The following CPLX1 variants were observed in gnomAD, a reference collection of about 807,000 sequenced individuals.
CPLX1 encodes the protein complexin-1.
CPLX1 carries 6 observed loss-of-function variants against 15.6 expected under a neutral mutation model. The ratio of observed to expected loss-of-function variants is 0.39; its 90% CI spans 0.21 to 0.76. The LOEUF (loss-of-function observed/expected upper bound fraction) is 0.76. Among genes scored for constraint, CPLX1 ranks in the 30% least tolerant of loss-of-function variants. The pLI is 0.43. For synonymous variants in CPLX1, 91 were observed against 75.2 expected (o/e 1.21, Z -1.08); for missense variants, 242 against 188.6 (o/e 1.28, Z -1.66).
At chr4:811,975 C>T (rs1338797114) in intron 2 of CPLX1, among the ~76,000 whole-genome samples, 1 of 152,198 alleles carries the variant, frequency 6.6e-6, no homozygotes, top group African/African-American at 2.4e-5. Context: ...GGCAATATTT[C>T]TTGCACTGAA....
chr4:788,981 G>A (rs1746086162), intron 3 of CPLX1, among the ~76,000 whole-genome samples: 1 of 152,232 alleles, frequency 6.6e-6, no homozygotes, highest in Non-Finnish European at 1.5e-5. Flanking sequence ...CAAACGGTGT[G>A]GGATCCTTCC....
At chr4:817,264 A>T (rs1213630479) in intron 2 of CPLX1, among the ~76,000 whole-genome samples, 1 of 151,574 alleles carries the variant, frequency 6.6e-6, no homozygotes, top group African/African-American at 2.4e-5. Flanking sequence ...AAAAAAAAAA[A>T]AAATTCAGGC....
chr4:818,550 C>T (rs973526701), intron 2 of CPLX1, among the ~76,000 whole-genome samples: 7 of 152,286 alleles, frequency 4.6e-5, no homozygotes, highest in African/African-American at 9.6e-5. Context: ...TGGGATGAGA[C>T]GCTGACCTGA....
chr4:786,936 G>A, intron 3 of CPLX1: 1 of 980,722 alleles, frequency 1.0e-6, no homozygotes, highest in African/African-American at 1.7e-5. Context: ...GCAGGGAGGG[G>A]GAGGCTCCCA....
intron 2 of CPLX1, among the ~76,000 whole-genome samples, chr4:808,984 T>G (rs1212499690): frequency 6.6e-6 from 1 of 152,242 alleles, no homozygotes. Context: ...GGTGGAGAGA[T>G]AGCGATAGAG....
chr4:795,673 C>T (rs1411198186), intron 2 of CPLX1, among the ~76,000 whole-genome samples: 1 of 152,154 alleles, frequency 6.6e-6, no homozygotes, highest in African/African-American at 2.4e-5. Flanking sequence ...GGCACGACCC[C>T]GCGGCAATGA....
At position 786,556 on chromosome 4, in the gene CPLX1, A is replaced by T. The variant is rs749841506; in HGVS notation, c.350T>A (p.Leu117Gln). The T allele has an allele frequency of 8.1e-6, 13 of 1,608,964 alleles. No individual in the cohort carries two copies. The highest frequency in any genetic ancestry group is 5.0e-5 in the Admixed American group (3 of 59,490). ...GGGCAGGTACTTGATGACGGTGTCC[A>T]GGATGCTCTCGTCCTCCTCCTCCAC... is the stretch of plus-strand genomic sequence containing the variant. ...DEVEEEDESI[L>Q]DTVIKYLPGP... The change falls in exon 4 of 4, where the codon CTG (leucine) becomes CAG (glutamine). Residue 117 changes from leucine (L) to glutamine (Q), a missense_variant. Physicochemically the swap from Leu to Gln is moderately radical, Grantham distance 113. Transcript: ENST00000304062.
intron 2 of CPLX1, among the ~76,000 whole-genome samples, chr4:806,026 TGTTA>T (rs751250879): frequency 6.6e-6 from 1 of 152,146 alleles, no homozygotes; most frequent in Non-Finnish European, 1.5e-5. Context: ...GAAATAGAGG[TGTTA>T]GTTGCACAAC....
chr4:824,474 C>A lies in CPLX1; in HGVS notation c.31+18G>T. The A allele has an allele frequency of 1.2e-6, 2 of 1,611,286 alleles. No individual in the cohort carries two copies. Among genetic ancestry groups the A allele is most frequent in the Non-Finnish European group, 1.7e-6 (2 of 1,178,386 alleles). Reference sequence around the variant, plus strand: ...CATGTCCCCTCAGCCCCTCCCCACCCCACCTCCCGCTTCCTACCTCCTAGA... The same window carrying A: ...CATGTCCCCTCAGCCCCTCCCCACCACACCTCCCGCTTCCTACCTCCTAGA... On this transcript the variant is annotated intron_variant, in intron 2 of 3. Coordinates refer to ENST00000304062, the MANE Select transcript of CPLX1 (RefSeq NM_006651.4).
chr4:810,703 T>C (rs184406476), intron 2 of CPLX1, among the ~76,000 whole-genome samples: 107 of 152,080 alleles, frequency 7.0e-4, no homozygotes, highest in Admixed American at 1.4e-3. Flanking sequence ...TCTTTTTCTT[T>C]TTTTTTTTTC....
chr4:799,336 G>A (rs180806028), intron 2 of CPLX1, among the ~76,000 whole-genome samples: 262 of 152,338 alleles, frequency 1.7e-3, no homozygotes, highest in Middle Eastern at 0.017. Context: ...ATGCCTATCC[G>A]ATGGAGTCTC....
intron 2 of CPLX1, among the ~76,000 whole-genome samples, chr4:812,128 G>C (rs1746675387): frequency 6.6e-6 from 1 of 152,114 alleles, no homozygotes; most frequent in Admixed American, 6.5e-5. Context: ...AGGTTGGAGT[G>C]CAGTGGTGCG....
chr4:805,964 A>G (rs1227067135), intron 2 of CPLX1, among the ~76,000 whole-genome samples: 2 of 152,130 alleles, frequency 1.3e-5, no homozygotes, highest in Non-Finnish European at 2.9e-5. Flanking sequence ...GAGAGTGGGG[A>G]GTGAGTGTTT....
intron 3 of CPLX1, among the ~76,000 whole-genome samples, chr4:792,189 CG>C: frequency 6.6e-6 from 1 of 152,220 alleles, no homozygotes; most frequent in Non-Finnish European, 1.5e-5. Flanking sequence ...CATCGGAATG[CG>C]GGCCTAGGAA....
At chr4:825,676 CG>C (rs1210492342) in intron 1 of CPLX1, among the ~76,000 whole-genome samples, 1 of 142,930 alleles carries the variant, frequency 7.0e-6, no homozygotes, top group Non-Finnish European at 1.5e-5. Flanking sequence ...GGGCGCGGGC[CG>C]GGACCGCGGG....
intron 2 of CPLX1, among the ~76,000 whole-genome samples, chr4:796,526 G>A (rs1057338904): frequency 1.3e-5 from 2 of 152,146 alleles, no homozygotes; most frequent in African/African-American, 2.4e-5. Flanking sequence ...TGCCTGATCC[G>A]CCTGCCTCGG....
At chr4:791,193 G>C (rs1056509734) in intron 3 of CPLX1, among the ~76,000 whole-genome samples, 1 of 150,596 alleles carries the variant, frequency 6.6e-6, no homozygotes, top group Non-Finnish European at 1.5e-5. Context: ...GGCGGGGAGC[G>C]GGGGGCGGAG....
chr4:786,538 T>C lies in CPLX1; in HGVS notation c.368A>G (p.Tyr123Cys), dbSNP rs2152640746. Residue 123 changes from tyrosine to cysteine, a missense_variant, in exon 4 of 4, where the codon TAC becomes TGC. Coordinates refer to ENST00000304062, the MANE Select transcript of CPLX1 (RefSeq NM_006651.4). ...DESILDTVIK[Y>C]LPGPLQDMLK... Reference sequence around the variant, plus strand: ...CATGTCCTGCAGCGGCCCGGGCAGGTACTTGATGACGGTGTCCAGGATGCT... The same window carrying C: ...CATGTCCTGCAGCGGCCCGGGCAGGCACTTGATGACGGTGTCCAGGATGCT... 6.2e-7 allele frequency: 1 copy of C among 1,604,092 alleles called. No individual in the cohort carries two copies. The highest frequency in any genetic ancestry group is 1.3e-5 in the African/African-American group (1 of 74,308).
chr4:808,076 G>A (rs1746591198), intron 2 of CPLX1, among the ~76,000 whole-genome samples: 1 of 151,918 alleles, frequency 6.6e-6, no homozygotes, highest in Non-Finnish European at 1.5e-5. Context: ...GATCAGTCTG[G>A]GTAACATGGC....
Sources: allele counts gnomAD v4.1 joint callset (sites outside exome capture counted in the v4.1 genomes callset), GRCh38; gene constraint gnomAD v4.1.1; transcripts MANE v1.5; gene names NCBI Gene and HGNC (gene_info 2026-07-23, HGNC 2026-07-21).